SSH2: variants seen among roughly 807,000 people sequenced by gnomAD.
The protein encoded by SSH2 is slingshot protein phosphatase 2.
SSH2 carries 37 observed loss-of-function variants against 135.2 expected under a neutral mutation model. That is an observed-to-expected ratio of 0.27 (90% confidence interval 0.21 to 0.36). The LOEUF (loss-of-function observed/expected upper bound fraction) is 0.36, where lower values mean the gene tolerates loss of function less well. Ranked by LOEUF, SSH2 falls within the 10% of genes least tolerant of loss-of-function variation. The pLI is 1.00. For missense variants in SSH2, 1,408 were observed against 1,765.3 expected, an observed-to-expected ratio of 0.80 and a Z score of 3.63; for synonymous variants, 628 against 646.2, an observed-to-expected ratio of 0.97 and a Z score of 0.43.
At chr17:29,788,337 G>A (rs1229012450) in intron 3 of SSH2, among the ~76,000 whole-genome samples, 4 of 152,126 alleles carry the variant, frequency 2.6e-5, no homozygotes, top group Admixed American at 6.6e-5. Flanking sequence ...CTGAATAAGG[G>A]AGAAGTTCCT....
chr17:29,895,230 T>C (rs1235917143), intron 1 of SSH2, among the ~76,000 whole-genome samples: 2 of 141,606 alleles, frequency 1.4e-5, no homozygotes, highest in Non-Finnish European at 3.0e-5. Context: ...TATAAATACA[T>C]TTTATATATA....
intron 11 of SSH2, among the ~76,000 whole-genome samples, chr17:29,661,470 G>C (rs966071144): frequency 2.0e-5 from 3 of 152,166 alleles, no homozygotes; most frequent in African/African-American, 4.8e-5. Context: ...CAAGGACACT[G>C]TGCTGAAGTT....
At chr17:29,678,155 G>A (rs2037809178) in intron 6 of SSH2, among the ~76,000 whole-genome samples, 1 of 149,380 alleles carries the variant, frequency 6.7e-6, no homozygotes, top group Admixed American at 6.7e-5. Flanking sequence ...GTGCAGTGGT[G>A]CAGTCTCAGC....
intron 1 of SSH2, among the ~76,000 whole-genome samples, chr17:29,896,424 A>G (rs1599157733): frequency 1.3e-5 from 2 of 148,874 alleles, no homozygotes; most frequent in Non-Finnish European, 3.0e-5. Context: ...CATTTCATGT[A>G]TAAAATATAT....
chr17:29,894,830 C>T (rs933705104), intron 1 of SSH2, among the ~76,000 whole-genome samples: 1 of 151,970 alleles, frequency 6.6e-6, no homozygotes. Flanking sequence ...TACCATCCTT[C>T]CACCTTCCCC....
intron 3 of SSH2, chr17:29,707,004 AT>A (rs2039229775): frequency 6.6e-6 from 1 of 152,248 alleles, no homozygotes. Flanking sequence ...ATACAAAAAA[AT>A]TAGCCAGGCG....
intron 1 of SSH2, among the ~76,000 whole-genome samples, chr17:29,857,153 G>A (rs2065677308): frequency 6.6e-6 from 1 of 152,182 alleles, no homozygotes; most frequent in Non-Finnish European, 1.5e-5. Flanking sequence ...CTGTTTTCAC[G>A]CTGCTGACAA....
intron 2 of SSH2, among the ~76,000 whole-genome samples, chr17:29,830,522 A>G (rs2042826776): frequency 6.6e-6 from 1 of 152,204 alleles, no homozygotes; most frequent in Non-Finnish European, 1.5e-5. Flanking sequence ...TCACTGCATA[A>G]TTAGCTGTTT....
chr17:29,840,402 T>C (rs1188967584), intron 2 of SSH2, among the ~76,000 whole-genome samples: 4 of 152,198 alleles, frequency 2.6e-5, no homozygotes, highest in Admixed American at 6.5e-5. Context: ...TGAAGTATCA[T>C]TTTAGATTCC....
intron 1 of SSH2, among the ~76,000 whole-genome samples, chr17:29,876,111 T>C (rs1397694691): frequency 6.8e-6 from 1 of 146,844 alleles, no homozygotes; most frequent in Admixed American, 6.8e-5. Context: ...AAAATACCAG[T>C]GACATTCACA....
intron 3 of SSH2, among the ~76,000 whole-genome samples, chr17:29,704,405 AAAATAC>A (rs2039115790): frequency 6.6e-6 from 1 of 152,180 alleles, no homozygotes. Flanking sequence ...GTAACTATTC[AAAATAC>A]AATTACTGGT....
At chr17:29,859,258 C>T (rs1248655444) in intron 1 of SSH2, among the ~76,000 whole-genome samples, 1 of 152,044 alleles carries the variant, frequency 6.6e-6, no homozygotes, top group Non-Finnish European at 1.5e-5. Flanking sequence ...ATCAATCTGA[C>T]CTCCTTTCCT....
chr17:29,838,411 T>C (rs1316097619), intron 2 of SSH2, among the ~76,000 whole-genome samples: 1 of 152,186 alleles, frequency 6.6e-6, no homozygotes, highest in Non-Finnish European at 1.5e-5. Flanking sequence ...CAGACAATGG[T>C]CAGTCCCTGG....
chr17:29,923,722 C>T (rs1597518088), intron 1 of SSH2, among the ~76,000 whole-genome samples: 1 of 151,948 alleles, frequency 6.6e-6, no homozygotes, highest in Non-Finnish European at 1.5e-5. Flanking sequence ...TGAATGGAGC[C>T]GGGTGCGGTG....
chr17:29,739,955 C>T (rs1313914083), intron 3 of SSH2, among the ~76,000 whole-genome samples: 1 of 152,174 alleles, frequency 6.6e-6, no homozygotes, highest in Non-Finnish European at 1.5e-5. Context: ...AGTGATTTTT[C>T]TCTGAGTGGA....
intron 5 of SSH2, among the ~76,000 whole-genome samples, chr17:29,685,618 T>A (rs575597105): frequency 1.3e-4 from 20 of 152,012 alleles, no homozygotes; most frequent in African/African-American, 4.8e-4. Flanking sequence ...AAACACTGTT[T>A]CTACCAAAAA....
At chr17:29,696,618 T>TAC (rs1462089596) in intron 4 of SSH2, among the ~76,000 whole-genome samples, 11 of 99,412 alleles carry the variant, frequency 1.1e-4, no homozygotes, top group African/African-American at 3.5e-4. Context: ...TATACATATA[T>TAC]ATATACACAC....
chr17:29,695,009 G>A (rs1043722771), intron 5 of SSH2, among the ~76,000 whole-genome samples: 29 of 152,156 alleles, frequency 1.9e-4, no homozygotes, highest in African/African-American at 6.3e-4. Flanking sequence ...GTCCAGTATC[G>A]TATGATTAGT....
rs758619658 is a variant in SSH2 at position 29,631,951 on chromosome 17, G to A, written c.3243C>T (p.Cys1081=). ...TCCTGTTTAGATTTTCATCCAGTGT[G>A]CAGAGCACAGTGACAGATTTTTCCA... ...VNMEKSVTVL[C]TLDENLNRTL... The change falls in exon 16 of 16, where the codon TGC becomes TGT. Residue 1081 remains cysteine, a synonymous_variant. Transcript: ENST00000540801. 3.7e-6 allele frequency: 6 copies of A among 1,614,112 alleles called. No homozygotes were observed. Among genetic ancestry groups the A allele is most frequent in the Non-Finnish European group, 5.1e-6 (6 of 1,180,048 alleles).
Sources: gnomAD v4.1 joint callset for allele counts (sites outside exome capture counted in the v4.1 genomes callset) on GRCh38, gnomAD v4.1.1 for gene constraint, MANE v1.5 for transcripts, NCBI Gene and HGNC (gene_info 2026-07-23, HGNC 2026-07-21) for gene names.